The following TPX2 variants were observed in gnomAD, a reference collection of about 807,000 sequenced individuals.
TPX2 encodes targeting protein for Xklp2.
A neutral mutation model predicts 93.6 loss-of-function variants in TPX2; 21 were observed. That is an observed-to-expected ratio of 0.22 (90% CI 0.16 to 0.32). The LOEUF (loss-of-function observed/expected upper bound fraction) is 0.32, where lower values mean the gene tolerates loss of function less well. Among genes scored for constraint, TPX2 ranks in the 10% least tolerant of loss-of-function variants. The probability of loss-of-function intolerance (pLI) is 1.00; values close to 1 mark genes in which losing one functional copy is unlikely to be tolerated. For missense variants in TPX2, 776 were observed against 871.1 expected (o/e 0.89, Z 1.37); for synonymous variants, 281 against 298.3 (o/e 0.94, Z 0.60).
intron 3 of TPX2, 21 bp from the exon 4 acceptor site, chr20:31,760,033 AATG>A (rs1451244419): frequency 6.2e-7 from 1 of 1,610,776 alleles, no homozygotes; most frequent in Non-Finnish European, 8.5e-7. Flanking sequence ...CTGATCAGAC[AATG>A]ATGATCTTCC....
chr20:31,760,762 A>G (rs1336638982), intron 4 of TPX2, among the ~76,000 whole-genome samples: 1 of 152,220 alleles, frequency 6.6e-6, no homozygotes, highest in East Asian at 1.9e-4. Context: ...ACAGCAAGAA[A>G]GAAGACTGTA....
intron 7 of TPX2, among the ~76,000 whole-genome samples, chr20:31,775,587 G>A (rs2061991297): frequency 6.6e-6 from 1 of 151,874 alleles, no homozygotes; most frequent in South Asian, 2.1e-4. Context: ...TGTTGGCCAG[G>A]ATGGTCTTGA....
intron 4 of TPX2, among the ~76,000 whole-genome samples, chr20:31,764,502 C>A (rs1490817987): frequency 1.3e-5 from 2 of 152,072 alleles, no homozygotes; most frequent in East Asian, 3.9e-4. Flanking sequence ...TTCTTTATCC[C>A]CATTGAAATT....
rs201462390 is a variant in TPX2 at position 31,764,148 on chromosome 20, GTACA to G, written c.230-2402_230-2399del. ...TATATATGTACATATACATGTATGT[GTACA>G]TACATGTACACATACATGTATATGT... On this transcript the variant is annotated intron_variant, in intron 4 of 17. Transcript: ENST00000300403. Among the ~76,000 whole-genome samples, 62 of 148,932 alleles carry G rather than the reference GTACA, an allele frequency of 4.2e-4. No individual in the cohort carries two copies. In the East Asian group the frequency reaches 0.011, roughly 25 times the overall value.
Position 31,779,240 on chromosome 20 carries a change from T to C in TPX2, c.1054+256T>C, listed in dbSNP as rs150571277. Among the ~76,000 whole-genome samples the C allele has an allele frequency of 2.3e-3, 357 of 152,326 alleles. 1 individual carries two copies. Among genetic ancestry groups the C allele is most frequent in the African/African-American group, 8.0e-3 (332 of 41,570 alleles). ...TGAGTTAAGGTAACCTGAGATGTCATTACACATCCTTAACGGACATTTTTT... is the reference window on the plus strand; with the variant it reads ...TGAGTTAAGGTAACCTGAGATGTCACTACACATCCTTAACGGACATTTTTT... On this transcript the variant is annotated intron_variant, in intron 10 of 17. Coordinates refer to ENST00000300403, the MANE Select transcript of TPX2 (RefSeq NM_012112.5).
intron 2 of TPX2, among the ~76,000 whole-genome samples, chr20:31,744,214 T>G (rs2061770771): frequency 7.3e-6 from 1 of 136,702 alleles, no homozygotes; most frequent in Non-Finnish European, 1.5e-5. Flanking sequence ...CGGGTTGGAG[T>G]GCAATGGCGC....
At chr20:31,746,659 T>TC (rs1310563904) in intron 2 of TPX2, among the ~76,000 whole-genome samples, 1 of 152,182 alleles carries the variant, frequency 6.6e-6, no homozygotes, top group East Asian at 1.9e-4. Context: ...GAGCTGGTAG[T>TC]CCCCTATTTC....
chr20:31,782,954 G>A (rs1247366814), intron 11 of TPX2, among the ~76,000 whole-genome samples: 1 of 150,924 alleles, frequency 6.6e-6, no homozygotes, highest in African/African-American at 2.4e-5. Flanking sequence ...AGAGGTTGCA[G>A]TAGAAGAACT....
intron 15 of TPX2, among the ~76,000 whole-genome samples, chr20:31,796,443 C>T (rs1041474116): frequency 1.3e-5 from 2 of 152,142 alleles, no homozygotes; most frequent in African/African-American, 4.8e-5. Flanking sequence ...ATTTTTTAAA[C>T]AGTTGAATTG....
At chr20:31,762,122 TG>T (rs2061894288) in intron 4 of TPX2, among the ~76,000 whole-genome samples, 2 of 152,336 alleles carry the variant, frequency 1.3e-5, no homozygotes, top group Non-Finnish European at 1.5e-5. Flanking sequence ...TTGTGTATTC[TG>T]GATATTAGTC....
intron 2 of TPX2, among the ~76,000 whole-genome samples, chr20:31,747,507 CAA>C (rs1221972980): frequency 6.6e-6 from 1 of 152,152 alleles, no homozygotes; most frequent in East Asian, 1.9e-4. Flanking sequence ...TTTTTGGAAA[CAA>C]AAATGGGCTA....
In TPX2 at chr20:31,765,379, T is replaced by G. The variant is rs2123006793; in HGVS notation, c.230-1177T>G. On this transcript the variant is annotated intron_variant, in intron 4 of 17. Coordinates refer to ENST00000300403, the MANE Select transcript of TPX2 (RefSeq NM_012112.5). ...GCCATGGTAACATGGCTAACAATAC[T>G]TAGAGTTTATGTTAAAATAACCCCT... is the stretch of plus-strand genomic sequence containing the variant. Among the ~76,000 whole-genome samples, 3 of 151,340 alleles carry G rather than the reference T, an allele frequency of 2.0e-5. 1 individual carries two copies. The Middle Eastern group carries it at 0.01, about 515-fold the overall frequency.
At chr20:31,792,955 TG>T in intron 13 of TPX2, 125 bp downstream of exon 13, 1 of 825,888 alleles carries the variant, frequency 1.2e-6, no homozygotes, top group South Asian at 1.6e-5. Context: ...TCTTTAAGAA[TG>T]GGTATGAACA....
chr20:31,756,070 A>C (rs936667535), intron 2 of TPX2, among the ~76,000 whole-genome samples: 2 of 152,242 alleles, frequency 1.3e-5, no homozygotes, highest in African/African-American at 4.8e-5. Flanking sequence ...TTTTTTGAGA[A>C]TATTTCTAAG....
intron 2 of TPX2, among the ~76,000 whole-genome samples, chr20:31,746,891 C>A (rs2061786408): frequency 6.6e-6 from 1 of 152,184 alleles, no homozygotes; most frequent in Non-Finnish European, 1.5e-5. Context: ...TTATCTCTTA[C>A]CCTAGAAAAA....
rs1264721480 is a variant in TPX2 at position 31,739,319 on chromosome 20, C to G, written c.-480C>G. 1.3e-5 allele frequency: 2 copies of G among 152,200 alleles called. No individual in the cohort carries two copies. Among genetic ancestry groups the G allele is most frequent in the African/African-American group, 2.4e-5 (1 of 41,452 alleles). The allele number at this position is 152,200 out of a possible 1,614,324, so 9.4% of individuals were successfully genotyped here. Reference sequence around the variant, plus strand: ...GAGTCCCGCGGCGGGTTGGCTCGCGCTTCGTTGTCAGATCTGAGGCGAGGC... The same window carrying G: ...GAGTCCCGCGGCGGGTTGGCTCGCGGTTCGTTGTCAGATCTGAGGCGAGGC... On this transcript the variant is annotated 5_prime_UTR_variant, in exon 1 of 18. Transcript: ENST00000300403.
At chr20:31,776,863 G>C (rs1414811696) in intron 8 of TPX2, among the ~76,000 whole-genome samples, 1 of 151,920 alleles carries the variant, frequency 6.6e-6, no homozygotes, top group Non-Finnish European at 1.5e-5. Context: ...CTTGGTCTTA[G>C]GGAAAAAAAG....
At chr20:31,776,690 T>C (rs1410383069) in intron 8 of TPX2, among the ~76,000 whole-genome samples, 1 of 151,982 alleles carries the variant, frequency 6.6e-6, no homozygotes, top group Non-Finnish European at 1.5e-5. Context: ...CACGTCTGGC[T>C]AGTTCTTTGT....
intron 5 of TPX2, among the ~76,000 whole-genome samples, chr20:31,770,059 C>G (rs772989494): frequency 2.6e-5 from 4 of 152,122 alleles, no homozygotes; most frequent in Non-Finnish European, 4.4e-5. Flanking sequence ...CGCAGCTTTC[C>G]AAAGTGCTAG....
Sources: gnomAD v4.1 joint callset for allele counts (sites outside exome capture counted in the v4.1 genomes callset) on GRCh38, gnomAD v4.1.1 for gene constraint, MANE v1.5 for transcripts, NCBI Gene and HGNC (gene_info 2026-07-23, HGNC 2026-07-21) for gene names.